Variants in PTPN14 observed in about 807,000 individuals in gnomAD.
PTPN14 encodes the protein protein tyrosine phosphatase non-receptor type 14.
PTPN14 carries 53 observed loss-of-function variants against 126.8 expected under a neutral mutation model. The observed-to-expected ratio is 0.42, with a 90% CI of 0.34 to 0.53. The LOEUF is 0.53. Ranked by LOEUF, PTPN14 falls within the 20% of genes least tolerant of loss-of-function variation. PTPN14 has a pLI of 0.08. For synonymous variants in PTPN14, 630 were observed against 599.3 expected, an observed-to-expected ratio of 1.05 and a Z score of -0.75; for missense variants, 1,257 against 1,552.9, an observed-to-expected ratio of 0.81 and a Z score of 3.20.
intron 5 of PTPN14, among the ~76,000 whole-genome samples, chr1:214,406,482 A>AC (rs1659174156): frequency 6.6e-6 from 1 of 151,582 alleles, no homozygotes; most frequent in African/African-American, 2.4e-5. Context: ...TTGTCTGAAA[A>AC]AAAAAAAAGA....
chr1:214,367,238 G>A (rs188032390), intron 17 of PTPN14, among the ~76,000 whole-genome samples: 335 of 152,266 alleles, frequency 2.2e-3, no homozygotes, highest in African/African-American at 7.5e-3. Flanking sequence ...AAGAAGTTCT[G>A]TAAAGGTCAC....
At chr1:214,429,695 T>C (rs904956591) in intron 3 of PTPN14, among the ~76,000 whole-genome samples, 1 of 152,246 alleles carries the variant, frequency 6.6e-6, no homozygotes, top group Non-Finnish European at 1.5e-5. Context: ...AAATCCTTGA[T>C]ATTTTGCCCA....
At chr1:214,467,216 T>A (rs1438014129) in intron 1 of PTPN14, among the ~76,000 whole-genome samples, 1 of 151,476 alleles carries the variant, frequency 6.6e-6, no homozygotes, top group East Asian at 2.0e-4. Context: ...AAGCCAAAAT[T>A]CAAATAGACA....
chr1:214,493,421 AG>A (rs781512096), intron 1 of PTPN14, among the ~76,000 whole-genome samples: 2 of 152,236 alleles, frequency 1.3e-5, no homozygotes, highest in African/African-American at 4.8e-5. Flanking sequence ...TAAATCCTTG[AG>A]GGGATGGGTA....
intron 1 of PTPN14, among the ~76,000 whole-genome samples, chr1:214,484,603 A>G (rs998791487): frequency 6.6e-5 from 10 of 152,326 alleles, no homozygotes; most frequent in Middle Eastern, 3.4e-3. Context: ...CCCCCAACAC[A>G]ACATATAAAT....
intron 1 of PTPN14, among the ~76,000 whole-genome samples, chr1:214,546,742 C>T (rs904296163): frequency 6.6e-6 from 1 of 152,142 alleles, no homozygotes; most frequent in African/African-American, 2.4e-5. Flanking sequence ...ATGCAGTAGT[C>T]CTCGGGGTCA....
chr1:214,363,733 A>G (rs951722859), intron 18 of PTPN14, among the ~76,000 whole-genome samples: 2 of 152,204 alleles, frequency 1.3e-5, no homozygotes, highest in African/African-American at 2.4e-5. Context: ...TGGCTCCTCT[A>G]CTTGGCTGAT....
rs1482556687 is a variant in PTPN14, at chr1:214,386,925, G to A, written c.988-3C>T. 4 of 1,593,804 alleles carry A rather than the reference G, an allele frequency of 2.5e-6. No homozygotes were observed. In the African/African-American group the frequency reaches 4.0e-5, roughly 16 times the overall value. Reference sequence around the variant, plus strand: ...AGGATGTACGGCTGCTGCCTGGGCTGAAACAGAGAACACAGAGGAGGTGGG... The same window carrying A: ...AGGATGTACGGCTGCTGCCTGGGCTAAAACAGAGAACACAGAGGAGGTGGG... On this transcript the variant is annotated splice_polypyrimidine_tract_variant and splice_region_variant and intron_variant, in intron 11 of 18. Coordinates refer to ENST00000366956, the MANE Select transcript of PTPN14 (RefSeq NM_005401.5).
chr1:214,491,294 C>A (rs1661246107), intron 1 of PTPN14, among the ~76,000 whole-genome samples: 1 of 152,124 alleles, frequency 6.6e-6, no homozygotes. Context: ...GGTAAAACTG[C>A]TGTGTATGAG....
chr1:214,460,562 T>C (rs1346987499), intron 2 of PTPN14, among the ~76,000 whole-genome samples: 1 of 125,042 alleles, frequency 8.0e-6, no homozygotes. Context: ...CACAGATCAG[T>C]GCAAACTGAA....
chr1:214,454,914 C>T (rs193157342), intron 2 of PTPN14, among the ~76,000 whole-genome samples: 2 of 151,284 alleles, frequency 1.3e-5, no homozygotes, highest in Admixed American at 6.6e-5. Context: ...AACATCCTAA[C>T]TTTAGAACTG....
rs1243515761 is a variant in PTPN14 at position 214,350,481 on chromosome 1, G to A, written c.*7441C>T. 1 of 150,580 alleles carries A rather than the reference G, an allele frequency of 6.6e-6. No homozygotes were observed. Among genetic ancestry groups the A allele is most frequent in the East Asian group, 1.9e-4 (1 of 5,160 alleles). 9.3% of individuals were successfully genotyped at this position (150,580 alleles called of 1,614,324 possible). A position where few individuals can be genotyped will look rare whatever the true frequency, so the allele number is the denominator to read the frequency against. ...AAAAGGGTGAGAAAGGGAGCTTCCT[G>A]CTTGCTGAGTTTTCTAGCTATTTTC... On this transcript the variant is annotated 3_prime_UTR_variant, in exon 19 of 19. Transcript: ENST00000366956.
At chr1:214,503,471 A>G (rs1254386397) in intron 1 of PTPN14, among the ~76,000 whole-genome samples, 1 of 152,242 alleles carries the variant, frequency 6.6e-6, no homozygotes, top group Admixed American at 6.5e-5. Flanking sequence ...TACATTTGTA[A>G]GACAAAATAA....
At chr1:214,521,799 C>T (rs967914048) in intron 1 of PTPN14, among the ~76,000 whole-genome samples, 2 of 151,566 alleles carry the variant, frequency 1.3e-5, no homozygotes, top group African/African-American at 2.4e-5. Flanking sequence ...TAGGAAAATA[C>T]GCAGTTAGGA....
At chr1:214,528,930 C>CA (rs200735902) in intron 1 of PTPN14, 4,604 of 117,510 alleles carry the variant, frequency 0.039, 257 homozygotes, top group East Asian at 0.29. Context: ...GACTCCATCT[C>CA]AAAAAAAAAA....
In PTPN14 at chr1:214,388,213, C is replaced by G. The variant is rs565086243; in HGVS notation, c.988-1291G>C. Among the ~76,000 whole-genome samples, 13 of 152,254 alleles carry G rather than the reference C, an allele frequency of 8.5e-5. No homozygotes were observed. The East Asian group carries it at 2.5e-3, about 29-fold the overall frequency. ...CTAGAGCAAGCCATTTAACCTCAGT[C>G]GGTCTCAGTTTCCCGTCAGTCAAAT... On this transcript the variant is annotated intron_variant, in intron 11 of 18. Coordinates refer to ENST00000366956, the MANE Select transcript of PTPN14 (RefSeq NM_005401.5).
chr1:214,430,794 T>C (rs1296679836), intron 3 of PTPN14, among the ~76,000 whole-genome samples: 1 of 152,186 alleles, frequency 6.6e-6, no homozygotes, highest in African/African-American at 2.4e-5. Context: ...TCCTTATCAT[T>C]CCACCCATGA....
Position 214,391,024 on chromosome 1 carries a change from G to T in PTPN14, c.951C>A (p.Pro317=), listed in dbSNP as rs780158000. 70 of 1,582,942 alleles carry T rather than the reference G, an allele frequency of 4.4e-5. No individual in the cohort carries two copies. Among genetic ancestry groups the T allele is most frequent in the Non-Finnish European group, 8.6e-7 (1 of 1,158,724 alleles). ...ICTEQSNSPP[P]IRRQPTWSRS... The stretch of plus-strand genomic sequence containing the variant: ...GGCTCCAGGTGGGCTGGCGTCTGAT[G>T]GGGGGTGGAGAATTTGACTGTCTAC... Residue 317 remains proline, a synonymous_variant, in exon 11 of 19, where the codon CCC becomes CCA. Coordinates refer to ENST00000366956, the MANE Select transcript of PTPN14 (RefSeq NM_005401.5).
At position 214,455,695 on chromosome 1, in the gene PTPN14, A is replaced by T. The variant is rs1463726683; in HGVS notation, c.175-3721T>A. On this transcript the variant is annotated intron_variant, in intron 2 of 18. Transcript: ENST00000366956. ...GTAGGGAAAGCCACACTAAAATGTC[A>T]TTTTTATGTGAGCAGCTTCCTCATT... Among the ~76,000 whole-genome samples, 5 of 152,250 alleles carry T rather than the reference A, an allele frequency of 3.3e-5. No individual in the cohort carries two copies. In the East Asian group the frequency reaches 9.7e-4, roughly 29 times the overall value.
Sources: gnomAD v4.1 joint callset for allele counts (sites outside exome capture counted in the v4.1 genomes callset) on GRCh38, gnomAD v4.1.1 for gene constraint, MANE v1.5 for transcripts, NCBI Gene and HGNC (gene_info 2026-07-23, HGNC 2026-07-21) for gene names.